SPAG1: variants seen among roughly 807,000 people sequenced by gnomAD.
The protein encoded by SPAG1 is sperm associated antigen 1.
In SPAG1, 69 loss-of-function variants were observed where a neutral mutation model predicts 100.5. That is an observed-to-expected ratio of 0.69 (90% CI 0.57 to 0.84). The LOEUF (loss-of-function observed/expected upper bound fraction) is 0.84, where lower values mean the gene tolerates loss of function less well. SPAG1 is among the 40% of genes least tolerant of loss of function. The pLI is 0.00. For synonymous variants in SPAG1, 336 were observed against 411.6 expected, an observed-to-expected ratio of 0.82 and a Z score of 2.22; for missense variants, 955 against 1,133.1, an observed-to-expected ratio of 0.84 and a Z score of 2.26.
chr8:100,222,081 C>T (rs1183798813), intron 13 of SPAG1, among the ~76,000 whole-genome samples: 1 of 152,248 alleles, frequency 6.6e-6, no homozygotes, highest in Non-Finnish European at 1.5e-5. Context: ...TGGCGCTGCA[C>T]AGCCACCCCA....
At chr8:100,217,130 G>T (rs1452618353) in intron 12 of SPAG1, among the ~76,000 whole-genome samples, 1 of 151,596 alleles carries the variant, frequency 6.6e-6, no homozygotes, top group Non-Finnish European at 1.5e-5. Context: ...TAGAGAAGGG[G>T]TTTCACCATG....
chr8:100,165,128 CAT>C, intron 2 of SPAG1: 1 of 377,380 alleles, frequency 2.6e-6, no homozygotes, highest in Non-Finnish European at 5.2e-6. Context: ...TTGGTGTTTT[CAT>C]AGTGTGTTAA....
intron 9 of SPAG1, 34 bp downstream of exon 9, chr8:100,191,530 G>T: frequency 7.3e-7 from 1 of 1,370,436 alleles, no homozygotes; most frequent in Non-Finnish European, 1.0e-6. Context: ...ACCTAATTCT[G>T]TAGTTGGCTG....
At chr8:100,222,400 G>A (rs970842261) in intron 13 of SPAG1, among the ~76,000 whole-genome samples, 5 of 152,120 alleles carry the variant, frequency 3.3e-5, no homozygotes, top group East Asian at 1.9e-4. Context: ...CATCTTTGTC[G>A]CTGCACTGCC....
rs1819167833 is a variant in SPAG1 at position 100,239,709 on chromosome 8, T to C, written c.2280+305T>C. 1.3e-5 allele frequency among the ~76,000 whole-genome samples: 2 copies of C among 152,170 alleles called. No individual in the cohort carries two copies. On this transcript the variant is annotated intron_variant, in intron 17 of 18. Coordinates refer to ENST00000388798, the MANE Select transcript of SPAG1 (RefSeq NM_003114.5). This position sits in a 1 kb window ranked among gnomAD's most constrained non-coding sequence, Gnocchi z 5.0. ...GGGAACCAGCGGCCACTGACTTTGC[T>C]CCAGGGTAGACCTGGAGAATCCTGA...
chr8:100,204,206 C>A (rs1191099996), intron 10 of SPAG1, among the ~76,000 whole-genome samples: 1 of 152,232 alleles, frequency 6.6e-6, no homozygotes, highest in East Asian at 1.9e-4. Context: ...TGATTCTCCT[C>A]AGAAGCCACC....
At chr8:100,162,971 A>T (rs1815383206) in intron 2 of SPAG1, among the ~76,000 whole-genome samples, 1 of 151,270 alleles carries the variant, frequency 6.6e-6, no homozygotes, top group Admixed American at 6.6e-5. Context: ...ATAAAAAATA[A>T]TAATAAAAAA....
At chr8:100,221,004 C>T (rs1454213510) in intron 13 of SPAG1, among the ~76,000 whole-genome samples, 2 of 151,622 alleles carry the variant, frequency 1.3e-5, no homozygotes, top group African/African-American at 2.4e-5. Flanking sequence ...ACCCAGGCTG[C>T]GGAGATTGCG....
At chr8:100,215,773 C>T (rs529408104) in intron 12 of SPAG1, among the ~76,000 whole-genome samples, 21 of 152,348 alleles carry the variant, frequency 1.4e-4, no homozygotes, top group African/African-American at 4.1e-4. Context: ...ATCCACCCGC[C>T]TCGGCCTCCC....
chr8:100,168,696 TTTG>T (rs1815680285), intron 3 of SPAG1, among the ~76,000 whole-genome samples: 1 of 126,906 alleles, frequency 7.9e-6, no homozygotes, highest in Non-Finnish European at 1.6e-5. Flanking sequence ...TCTTTTTTTT[TTTG>T]TTGTTGAGAC....
At position 100,231,158 on chromosome 8, in the gene SPAG1, G is replaced by GA. The variant is rs1380083184; in HGVS notation, c.1864dup (p.Thr622AsnfsTer3). 12 of 1,597,968 alleles carry GA rather than the reference G, an allele frequency of 7.5e-6. No homozygotes were observed. Among genetic ancestry groups the GA allele is most frequent in the African/African-American group, 1.4e-5 (1 of 73,942 alleles). The stretch of plus-strand genomic sequence containing the variant: ...TTCTTTGTTTTTTTGTCCCATAGAT[G>GA]AAAAAACATTTAAAGCCCTTAAGGA... On this transcript the variant is annotated frameshift_variant, in exon 15 of 19. Coordinates refer to ENST00000388798, the MANE Select transcript of SPAG1 (RefSeq NM_003114.5). LOFTEE classifies it high-confidence loss of function.
In SPAG1 at chr8:100,171,037, T is replaced by A. The variant is rs193120733; in HGVS notation, c.300+5064T>A. On this transcript the variant is annotated intron_variant, in intron 3 of 18. Transcript: ENST00000388798. ...AAGTTTTCTTCTGTTCCTTGTTTGA[T>A]GAGAATTTTTATCATGAATGGGTTT... Among the ~76,000 whole-genome samples the A allele has an allele frequency of 8.5e-5, 13 of 152,254 alleles. No homozygotes were observed. The East Asian group carries it at 2.1e-3, about 25-fold the overall frequency.
intron 16 of SPAG1, among the ~76,000 whole-genome samples, chr8:100,238,970 G>C (rs1042568127): frequency 6.6e-6 from 1 of 152,162 alleles, no homozygotes; most frequent in African/African-American, 2.4e-5. Context: ...TCATGTGTTA[G>C]GGACTGGGAA....
intron 3 of SPAG1, among the ~76,000 whole-genome samples, chr8:100,170,100 G>A (rs897282303): frequency 6.6e-6 from 1 of 152,096 alleles, no homozygotes; most frequent in Non-Finnish European, 1.5e-5. Context: ...TGTTTGAATT[G>A]GGATTGTGTT....
At chr8:100,216,327 T>G (rs781391524) in intron 12 of SPAG1, among the ~76,000 whole-genome samples, 4 of 152,218 alleles carry the variant, frequency 2.6e-5, no homozygotes, top group Non-Finnish European at 5.9e-5. Context: ...CAGGACACTT[T>G]AGTTAAAACT....
chr8:100,212,984 C>G, intron 10 of SPAG1, 106 bp from the exon 11 acceptor site: 1 of 946,296 alleles, frequency 1.1e-6, no homozygotes, highest in Non-Finnish European at 1.4e-6. Context: ...AGCCGGCTTC[C>G]CTAGAGCCCG....
chr8:100,185,436 C>T (rs1466995035), intron 7 of SPAG1, among the ~76,000 whole-genome samples: 1 of 152,098 alleles, frequency 6.6e-6, no homozygotes, highest in African/African-American at 2.4e-5. Flanking sequence ...GCAGTCTTAC[C>T]TCTCCTTTGT....
intron 7 of SPAG1, among the ~76,000 whole-genome samples, chr8:100,186,363 G>T (rs898921966): frequency 1.3e-5 from 2 of 152,082 alleles, no homozygotes; most frequent in African/African-American, 4.8e-5. Context: ...GAGCCACCAT[G>T]CCTGGCTTCA....
At chr8:100,184,146 T>C in intron 6 of SPAG1, 84 bp downstream of exon 6, 1 of 599,554 alleles carries the variant, frequency 1.7e-6, no homozygotes, top group Non-Finnish European at 2.8e-6. Flanking sequence ...GACATTGTCT[T>C]TGAGTACTGC....
Sources: allele counts gnomAD v4.1 joint callset (sites outside exome capture counted in the v4.1 genomes callset), GRCh38; gene constraint gnomAD v4.1.1; non-coding constraint Gnocchi (gnomAD v3.1); transcripts MANE v1.5; gene names NCBI Gene and HGNC (gene_info 2026-07-23, HGNC 2026-07-21).